TMEM169: variants seen among roughly 807,000 people sequenced by gnomAD.
TMEM169 encodes the protein transmembrane protein 169.
A neutral mutation model predicts 27.3 loss-of-function variants in TMEM169; 18 were observed. The observed-to-expected ratio is 0.66, with a 90% CI of 0.46 to 0.98. The LOEUF (loss-of-function observed/expected upper bound fraction) is 0.98, where lower values mean the gene tolerates loss of function less well. TMEM169 is among the 50% of genes least tolerant of loss of function. The probability of loss-of-function intolerance (pLI) is 0.00; values close to 1 mark genes in which losing one functional copy is unlikely to be tolerated. For synonymous variants in TMEM169, 136 were observed against 142.1 expected (o/e 0.96, Z 0.30); for missense variants, 320 against 368.6 (o/e 0.87, Z 1.08).
chr2:216,096,830 A>G (rs1174822449), intron 2 of TMEM169, among the ~76,000 whole-genome samples: 2 of 152,246 alleles, frequency 1.3e-5, no homozygotes, highest in African/African-American at 4.8e-5. Context: ...CTAACTACTT[A>G]ATGTATGTAA....
intron 1 of TMEM169, among the ~76,000 whole-genome samples, chr2:216,092,788 T>TGCCTCAGAAAACAACAGAGAGAA (rs11268927): frequency 0.026 from 3,919 of 152,174 alleles, 191 homozygotes; most frequent in African/African-American, 0.09. Context: ...CTTCACAAGC[T>TGCCTCAGAAAACAACAGAGAGAA]GCCTCAGAAA....
At chr2:216,085,633 G>A (rs1695977109) in intron 1 of TMEM169, among the ~76,000 whole-genome samples, 1 of 152,150 alleles carries the variant, frequency 6.6e-6, no homozygotes. Context: ...CACTTTGGGA[G>A]GCCAAGGCGG....
At chr2:216,096,952 A>G (rs1353818082) in intron 2 of TMEM169, among the ~76,000 whole-genome samples, 2 of 152,246 alleles carry the variant, frequency 1.3e-5, no homozygotes, top group African/African-American at 4.8e-5. Flanking sequence ...ATTCCTTCAC[A>G]TGTAGGCTTG....
At chr2:216,093,459 A>G (rs1205713373) in intron 1 of TMEM169, among the ~76,000 whole-genome samples, 1 of 152,204 alleles carries the variant, frequency 6.6e-6, no homozygotes, top group East Asian at 1.9e-4. Flanking sequence ...AAGAATTTAA[A>G]GATAATGGCT....
At chr2:216,098,784 G>A (rs1383648342) in intron 2 of TMEM169, among the ~76,000 whole-genome samples, 2 of 150,680 alleles carry the variant, frequency 1.3e-5, no homozygotes, top group African/African-American at 4.9e-5. Flanking sequence ...TGTGTGCGCT[G>A]TTTGTGTGTG....
chr2:216,098,786 TTG>T (rs1245444286), intron 2 of TMEM169, among the ~76,000 whole-genome samples: 1 of 147,626 alleles, frequency 6.8e-6, no homozygotes, highest in Admixed American at 6.8e-5. Flanking sequence ...TGTGCGCTGT[TTG>T]TGTGTGTCGT....
At chr2:216,098,458 G>A (rs948916012) in intron 2 of TMEM169, among the ~76,000 whole-genome samples, 2 of 152,172 alleles carry the variant, frequency 1.3e-5, no homozygotes, top group African/African-American at 4.8e-5. Flanking sequence ...GAGGATAGAT[G>A]GTGGTGGTGT....
At chr2:216,093,633 T>G (rs1350192674) in intron 1 of TMEM169, among the ~76,000 whole-genome samples, 3 of 152,002 alleles carry the variant, frequency 2.0e-5, no homozygotes, top group Non-Finnish European at 2.9e-5. Context: ...ATAAAGTTAA[T>G]TTAGATCCAA....
At position 216,095,969 on chromosome 2, in the gene TMEM169, A is replaced by G. The variant is rs1696252717; in HGVS notation, c.6A>G (p.Glu2=). The part of the protein sequence containing the change: M[E]EPTAVEGQVQ... ...AGGTAGACGTCAGGTCTGGAATGGA[A>G]GAGCCAACAGCAGTAGAAGGCCAGG... is the stretch of plus-strand genomic sequence containing the variant. The change falls in exon 2 of 3, where the codon GAA becomes GAG. Residue 2 remains glutamate, a synonymous_variant. Coordinates refer to ENST00000437356, the MANE Select transcript of TMEM169 (RefSeq NM_001142311.2). 6.2e-7 allele frequency: 1 copy of G among 1,612,636 alleles called. No homozygotes were observed. Among genetic ancestry groups the G allele is most frequent in the African/African-American group, 1.3e-5 (1 of 74,962 alleles).
At chr2:216,095,140 G>A (rs1020865108) in intron 1 of TMEM169, among the ~76,000 whole-genome samples, 2 of 104,214 alleles carry the variant, frequency 1.9e-5, no homozygotes, top group African/African-American at 5.2e-5. Flanking sequence ...GTCTCGCTCC[G>A]TCACCCAGGC....
At chr2:216,092,143 C>T (rs1483100686) in intron 1 of TMEM169, among the ~76,000 whole-genome samples, 4 of 152,198 alleles carry the variant, frequency 2.6e-5, no homozygotes, top group African/African-American at 9.6e-5. Context: ...TCTCTTTTTG[C>T]CTCTGATAGG....
chr2:216,098,807 T>C (rs1377893368), intron 2 of TMEM169, among the ~76,000 whole-genome samples: 1 of 151,270 alleles, frequency 6.6e-6, no homozygotes, highest in African/African-American at 2.4e-5. Context: ...GTATGGTGTG[T>C]GTGTGTAATG....
chr2:216,083,270 C>G (rs899651209), intron 1 of TMEM169, among the ~76,000 whole-genome samples: 3 of 152,168 alleles, frequency 2.0e-5, no homozygotes, highest in Non-Finnish European at 4.4e-5. Flanking sequence ...ACGCCATCAC[C>G]TCCTTTAAAA....
Position 216,093,836 on chromosome 2 carries a change from A to G in TMEM169, c.-126-2002A>G, listed in dbSNP as rs1574434898. 2.0e-5 allele frequency among the ~76,000 whole-genome samples: 3 copies of G among 152,314 alleles called. No homozygotes were observed. In the East Asian group the frequency reaches 5.8e-4, roughly 29 times the overall value. ...TATGTATTCTGGCATTTTAAGAGAT[A>G]TGCTATACAGTACTTCCTGTCACAT... is the stretch of plus-strand genomic sequence containing the variant. On this transcript the variant is annotated intron_variant, in intron 1 of 2. Coordinates refer to ENST00000437356, the MANE Select transcript of TMEM169 (RefSeq NM_001142311.2).
chr2:216,096,928 CAAT>C (rs1454819973), intron 2 of TMEM169, among the ~76,000 whole-genome samples: 10 of 152,260 alleles, frequency 6.6e-5, no homozygotes, highest in Middle Eastern at 3.4e-3. Flanking sequence ...ATTATGACAA[CAAT>C]GAGATATAGT....
chr2:216,087,616 A>G (rs190154082), intron 1 of TMEM169, among the ~76,000 whole-genome samples: 10 of 152,330 alleles, frequency 6.6e-5, no homozygotes, highest in Admixed American at 2.0e-4. Context: ...TGGGCTTTGA[A>G]ATTAGCAAAC....
At chr2:216,096,660 G>T (rs1372298674) in intron 2 of TMEM169, among the ~76,000 whole-genome samples, 1 of 152,054 alleles carries the variant, frequency 6.6e-6, no homozygotes, top group African/African-American at 2.4e-5. Flanking sequence ...CCACTGACCT[G>T]GTGCAATATT....
intron 1 of TMEM169, among the ~76,000 whole-genome samples, chr2:216,092,098 T>C (rs1015991284): frequency 2.6e-5 from 4 of 152,204 alleles, no homozygotes; most frequent in Non-Finnish European, 2.9e-5. Context: ...TCATATTTCT[T>C]GTCTAAGGTT....
chr2:216,090,185 G>C (rs1338930430), intron 1 of TMEM169, among the ~76,000 whole-genome samples: 1 of 152,172 alleles, frequency 6.6e-6, no homozygotes, highest in East Asian at 1.9e-4. Context: ...GCAAGGTAAA[G>C]TTATTTTTTT....
Sources: gnomAD v4.1 joint callset for allele counts (sites outside exome capture counted in the v4.1 genomes callset) on GRCh38, gnomAD v4.1.1 for gene constraint, MANE v1.5 for transcripts, NCBI Gene and HGNC (gene_info 2026-07-23, HGNC 2026-07-21) for gene names.